The following TAS2R1 variants were observed in gnomAD, a reference collection of about 807,000 sequenced individuals.
TAS2R1 encodes taste 2 receptor member 1, also known as taste receptor type 2 member 1.
For synonymous variants in TAS2R1, 141 were observed against 134.2 expected (o/e 1.05, Z -0.35); for missense variants, 370 against 353.4 (o/e 1.05, Z -0.38).
chr5:9,735,175 C>G, the TAS2R1 span, among the ~76,000 whole-genome samples: 1,555 of 151,332 alleles, frequency 0.01, 110 homozygotes, highest in African/African-American at 0.037. Flanking sequence ...AACTGGAAGG[C>G]GGAAGTCTGT....
At chr5:9,637,833 A>C (rs1260037170) in intron 2 of TAS2R1, among the ~76,000 whole-genome samples, 2 of 152,164 alleles carry the variant, frequency 1.3e-5, no homozygotes, top group African/African-American at 2.4e-5. Context: ...CATATCCTAC[A>C]TTTTTAAAAT....
At chr5:9,666,852 C>T (rs1387081394) in intron 1 of TAS2R1, among the ~76,000 whole-genome samples, 1 of 152,032 alleles carries the variant, frequency 6.6e-6, no homozygotes, top group African/African-American at 2.4e-5. Flanking sequence ...CCAAGTGTAT[C>T]CCACCTAAAA....
chr5:9,793,039 C>G, the TAS2R1 span, among the ~76,000 whole-genome samples: 31 of 152,302 alleles, frequency 2.0e-4, no homozygotes, highest in Admixed American at 6.5e-4. Flanking sequence ...CTTCATGAAA[C>G]AGACTTTGCT....
chr5:9,884,082 T>C, the TAS2R1 span: 3 of 152,128 alleles, frequency 2.0e-5, no homozygotes, highest in African/African-American at 7.2e-5. Flanking sequence ...CATTCTTTTA[T>C]CAAGAAACTA....
the TAS2R1 span, among the ~76,000 whole-genome samples, chr5:9,744,640 T>C: frequency 1.3e-5 from 2 of 152,188 alleles, no homozygotes; most frequent in Non-Finnish European, 2.9e-5. Flanking sequence ...CAGAGTGGTG[T>C]CTGGTTTGTT....
At chr5:9,768,461 C>T in the TAS2R1 span, among the ~76,000 whole-genome samples, 1 of 152,180 alleles carries the variant, frequency 6.6e-6, no homozygotes, top group Admixed American at 6.5e-5. Context: ...CCTAGGTCAG[C>T]GCTGCTTTCC....
the TAS2R1 span, among the ~76,000 whole-genome samples, chr5:9,902,385 AT>A: frequency 5.9e-5 from 9 of 152,172 alleles, no homozygotes; most frequent in East Asian, 1.7e-3. Context: ...TGTAGAGCAC[AT>A]AACACCCCCA....
At chr5:9,654,929 G>A (rs950227229) in intron 2 of TAS2R1, among the ~76,000 whole-genome samples, 1 of 152,144 alleles carries the variant, frequency 6.6e-6, no homozygotes, top group Non-Finnish European at 1.5e-5. Flanking sequence ...ATGAAAGCAT[G>A]TTCCCACAAA....
At chr5:9,793,590 C>A in the TAS2R1 span, among the ~76,000 whole-genome samples, 2 of 152,112 alleles carry the variant, frequency 1.3e-5, no homozygotes, top group Non-Finnish European at 2.9e-5. Context: ...GCAGGTGCTC[C>A]GCTGCAGTTC....
At chr5:9,856,369 C>G in the TAS2R1 span, among the ~76,000 whole-genome samples, 1 of 151,986 alleles carries the variant, frequency 6.6e-6, no homozygotes, top group Non-Finnish European at 1.5e-5. Context: ...AGGAGGCTCT[C>G]CTTATATTAA....
chr5:9,889,409 T>A, the TAS2R1 span, among the ~76,000 whole-genome samples: 3 of 152,178 alleles, frequency 2.0e-5, no homozygotes, highest in African/African-American at 7.2e-5. Context: ...GGACCACACA[T>A]GCACAGGGTA....
intron 2 of TAS2R1, among the ~76,000 whole-genome samples, chr5:9,647,356 T>C (rs151168960): frequency 1.3e-5 from 2 of 152,298 alleles, no homozygotes; most frequent in Non-Finnish European, 2.9e-5. Flanking sequence ...CACAGAAGCA[T>C]AGTCCAACTC....
the TAS2R1 span, among the ~76,000 whole-genome samples, chr5:9,864,011 C>A: frequency 6.6e-6 from 1 of 152,190 alleles, no homozygotes; most frequent in African/African-American, 2.4e-5. Context: ...TTAGACCAAA[C>A]ATGATTTTTA....
chr5:9,894,969 C>T, the TAS2R1 span, among the ~76,000 whole-genome samples: 1 of 152,372 alleles, frequency 6.6e-6, no homozygotes, highest in East Asian at 1.9e-4. Flanking sequence ...GAAAGTGGTA[C>T]ACATACACAT....
At chr5:9,686,974 A>C (rs1364522841) in intron 1 of TAS2R1, among the ~76,000 whole-genome samples, 1 of 151,796 alleles carries the variant, frequency 6.6e-6, no homozygotes, top group Non-Finnish European at 1.5e-5. Context: ...TTATTTATTC[A>C]TTTTTTTGAG....
At chr5:9,743,174 C>T in the TAS2R1 span, among the ~76,000 whole-genome samples, 1 of 152,178 alleles carries the variant, frequency 6.6e-6, no homozygotes, top group South Asian at 2.1e-4. Context: ...TACCAACCAA[C>T]TCTCTTGGAC....
At chr5:9,753,048 C>A in the TAS2R1 span, among the ~76,000 whole-genome samples, 2 of 152,138 alleles carry the variant, frequency 1.3e-5, no homozygotes, top group Non-Finnish European at 2.9e-5. Context: ...ATTTATAATC[C>A]TTTGGGTATA....
chr5:9,739,691 G>T, the TAS2R1 span, among the ~76,000 whole-genome samples: 1 of 152,144 alleles, frequency 6.6e-6, no homozygotes, highest in Non-Finnish European at 1.5e-5. Flanking sequence ...AAGCATAAAG[G>T]TCATTCAACG....
At chr5:9,812,720 C>T in the TAS2R1 span, among the ~76,000 whole-genome samples, 14 of 152,208 alleles carry the variant, frequency 9.2e-5, no homozygotes, top group African/African-American at 2.6e-4. Context: ...CCACGGTAGG[C>T]GCTGGGAATA....
Sources: gnomAD v4.1 joint callset for allele counts (sites outside exome capture counted in the v4.1 genomes callset) on GRCh38, gnomAD v4.1.1 for gene constraint, MANE v1.5 for transcripts, NCBI Gene and HGNC (gene_info 2026-07-23, HGNC 2026-07-21) for gene names.